Variants in TENM1 observed in about 807,000 individuals in gnomAD.
The protein encoded by TENM1 is teneurin transmembrane protein 1.
TENM1 carries 35 observed loss-of-function variants against 174.8 expected under a neutral mutation model. The observed-to-expected ratio is 0.20, with a 90% CI of 0.15 to 0.27. TENM1 has a LOEUF of 0.27. TENM1 is among the 10% of genes least tolerant of loss of function. TENM1 has a pLI of 1.00. For missense variants in TENM1, 1,633 were observed against 2,130.1 expected, an observed-to-expected ratio of 0.77 and a Z score of 4.59; for synonymous variants, 781 against 798.7, an observed-to-expected ratio of 0.98 and a Z score of 0.37.
intron 14 of TENM1, among the ~76,000 whole-genome samples, chrX:124,552,819 C>T (rs1356071332): frequency 9.0e-6 from 1 of 111,612 alleles, no homozygotes; most frequent in Non-Finnish European, 1.9e-5. Context: ...CTGGAATGTT[C>T]TTCTCCCTGG....
intron 1 of TENM1, among the ~76,000 whole-genome samples, chrX:124,951,231 T>C (rs888855574): frequency 1.8e-5 from 2 of 111,848 alleles, no homozygotes; most frequent in Non-Finnish European, 3.8e-5. Flanking sequence ...ACCCCAGTAG[T>C]TGGCATTGAT....
chrX:124,946,338 C>T (rs978893064), intron 1 of TENM1, among the ~76,000 whole-genome samples: 6 of 111,527 alleles, frequency 5.4e-5, no homozygotes, highest in African/African-American at 2.0e-4. Flanking sequence ...TATATGAATC[C>T]GAATTTCAAG....
At chrX:124,979,273 C>T in the TENM1 span, among the ~76,000 whole-genome samples, 1 of 110,758 alleles carries the variant, frequency 9.0e-6, no homozygotes, top group South Asian at 3.7e-4. Context: ...GGTTGATTTC[C>T]GGGTACTTAA....
chrX:124,471,310 G>T (rs865775295), intron 22 of TENM1, among the ~76,000 whole-genome samples: 57 of 27,407 alleles, frequency 2.1e-3, no homozygotes, highest in Non-Finnish European at 2.7e-3. Flanking sequence ...ATAATATATA[G>T]TACTATATAT....
the TENM1 span, among the ~76,000 whole-genome samples, chrX:125,175,502 A>G: frequency 4.5e-5 from 5 of 111,853 alleles, no homozygotes; most frequent in Non-Finnish European, 1.9e-5. Context: ...TTATTCGAGA[A>G]CACTTATTTC....
the TENM1 span, among the ~76,000 whole-genome samples, chrX:125,104,166 C>T: frequency 6.3e-5 from 7 of 111,673 alleles, no homozygotes; most frequent in Non-Finnish European, 9.4e-5. Flanking sequence ...AATCTGCCAG[C>T]TTTGTCCCTT....
At chrX:125,097,296 A>T in the TENM1 span, among the ~76,000 whole-genome samples, 2 of 111,476 alleles carry the variant, frequency 1.8e-5, no homozygotes, top group South Asian at 7.6e-4. Context: ...CAGCGCAAAG[A>T]ATTTTGTTGG....
intron 12 of TENM1, among the ~76,000 whole-genome samples, chrX:124,564,529 C>T (rs2048898408): frequency 9.0e-6 from 1 of 111,078 alleles, no homozygotes; most frequent in Non-Finnish European, 1.9e-5. Context: ...GCCACTGGAA[C>T]ACTCTGTGAC....
exon 1 of TENM1, chrX:124,963,691 T>C: frequency 8.3e-7 from 1 of 1,211,844 alleles, no homozygotes; most frequent in Non-Finnish European, 1.1e-6. Context: ...TGGTGTAAGC[T>C]AGATCCATTT....
intron 31 of TENM1, 114 bp downstream of exon 34, chrX:124,382,556 G>T: frequency 2.9e-6 from 2 of 694,285 alleles, no homozygotes; most frequent in Non-Finnish European, 4.2e-6. Context: ...ACGTTTTAGT[G>T]AATATTCAAG....
chrX:124,430,566 GGCTA>G (rs1258732448), intron 23 of TENM1, among the ~76,000 whole-genome samples: 3 of 112,203 alleles, frequency 2.7e-5, no homozygotes, highest in African/African-American at 6.5e-5. Context: ...GCTTTGTAGA[GGCTA>G]GCTATTTTTG....
At position 124,757,160 on chromosome X, in the gene TENM1, C is replaced by T. The variant is rs757416513; in HGVS notation, c.536-19963G>A. Among the ~76,000 whole-genome samples the T allele has an allele frequency of 8.4e-4, 95 of 112,681 alleles. 1 individual carries two copies. The highest frequency in any genetic ancestry group is 2.9e-3 in the African/African-American group (90 of 31,078). On this transcript the variant is annotated intron_variant, in intron 3 of 31. Transcript: ENST00000422452. ...GTTGGCTCCACCCAGTTCGAGCTTCCGGCCTGCTTTGTTTACCTAAGCAAG... is the reference window on the plus strand; with the variant it reads ...GTTGGCTCCACCCAGTTCGAGCTTCTGGCCTGCTTTGTTTACCTAAGCAAG...
At chrX:124,423,478 C>A (rs1454399284) in intron 23 of TENM1, among the ~76,000 whole-genome samples, 2 of 111,416 alleles carry the variant, frequency 1.8e-5, no homozygotes, top group Admixed American at 9.6e-5. Context: ...TATAGTAGAG[C>A]CCTCAGAGGA....
chrX:124,952,173 C>G (rs764790647), intron 1 of TENM1, among the ~76,000 whole-genome samples: 2 of 111,205 alleles, frequency 1.8e-5, no homozygotes, highest in African/African-American at 6.5e-5. Context: ...GCATAAGCAT[C>G]CATGTTTGAA....
intron 11 of TENM1, among the ~76,000 whole-genome samples, chrX:124,606,203 A>G (rs958111515): frequency 1.6e-4 from 18 of 111,034 alleles, no homozygotes; most frequent in African/African-American, 5.6e-4. Flanking sequence ...TGTGAGGGTG[A>G]GGCCTGGAAA....
intron 1 of TENM1, among the ~76,000 whole-genome samples, chrX:124,932,022 T>C (rs575851740): frequency 7.1e-5 from 8 of 111,916 alleles, no homozygotes; most frequent in Admixed American, 1.9e-4. Context: ...TACCTGGTCA[T>C]TGATGCTTGC....
intron 14 of TENM1, among the ~76,000 whole-genome samples, chrX:124,553,228 G>A (rs1265296534): frequency 5.1e-5 from 5 of 98,719 alleles, no homozygotes; most frequent in African/African-American, 1.9e-4. Flanking sequence ...CAGGTGTGGT[G>A]GCTCACGCCT....
chrX:124,412,384 T>C (rs1177603679), intron 25 of TENM1, among the ~76,000 whole-genome samples: 2 of 112,806 alleles, frequency 1.8e-5, no homozygotes, highest in African/African-American at 6.4e-5. Flanking sequence ...ATTAAAAATA[T>C]ATTTGGCCTG....
chrX:124,481,715 A>C lies in TENM1; in HGVS notation c.3949+17T>G, dbSNP rs1312079539. ...CAAGGGTATATATATATATATATTT[A>C]TTTATTTATTTTTTACCTCGAGGGC... On this transcript the variant is annotated intron_variant, in intron 22 of 31. Coordinates refer to ENST00000422452, the Ensembl canonical transcript of TENM1. The C allele has an allele frequency of 2.2e-6, 1 of 459,291 alleles. No homozygotes were observed. Among genetic ancestry groups the C allele is most frequent in the South Asian group, 6.1e-5 (1 of 16,388 alleles). The allele number at this position is 459,291 out of a possible 1,213,427, so 37.9% of individuals were successfully genotyped here.
Sources: gnomAD v4.1 joint callset for allele counts (sites outside exome capture counted in the v4.1 genomes callset) on GRCh38, gnomAD v4.1.1 for gene constraint, MANE v1.5 for transcripts, NCBI Gene and HGNC (gene_info 2026-07-23, HGNC 2026-07-21) for gene names.